The following MYH16 variants were observed in gnomAD, a reference collection of about 807,000 sequenced individuals.
MYH16 encodes the protein putative uncharacterized protein MYH16.
intron 18 of MYH16, among the ~76,000 whole-genome samples, chr7:99,267,648 A>G (rs997772079): frequency 6.6e-6 from 1 of 152,210 alleles, no homozygotes; most frequent in African/African-American, 2.4e-5. Context: ...CCCAGCTCTG[A>G]GCCAGCGGCT....
At chr7:99,241,179 C>T (rs1361742186) in intron 1 of MYH16, among the ~76,000 whole-genome samples, 1 of 152,212 alleles carries the variant, frequency 6.6e-6, no homozygotes, top group East Asian at 1.9e-4. Flanking sequence ...GCTGGCTTCC[C>T]TGGCTCCTAA....
At chr7:99,291,661 T>C (rs1792381680) in intron 31 of MYH16, among the ~76,000 whole-genome samples, 1 of 89,422 alleles carries the variant, frequency 1.1e-5, no homozygotes. Flanking sequence ...TCTACCAAAA[T>C]AAAAAATAAA....
chr7:99,268,659 T>C (rs954735453), intron 18 of MYH16, among the ~76,000 whole-genome samples: 2 of 152,246 alleles, frequency 1.3e-5, no homozygotes, highest in Non-Finnish European at 2.9e-5. Context: ...TGGTTCTGAC[T>C]GCAAATGGTG....
intron 5 of MYH16, among the ~76,000 whole-genome samples, chr7:99,250,569 C>G (rs1008129437): frequency 3.9e-5 from 6 of 152,106 alleles, no homozygotes; most frequent in African/African-American, 1.4e-4. Flanking sequence ...AGCAAGACAC[C>G]ATCTCTACAA....
At chr7:99,275,021 GT>G (rs1364007915) in intron 20 of MYH16, among the ~76,000 whole-genome samples, 1 of 151,820 alleles carries the variant, frequency 6.6e-6, no homozygotes, top group Non-Finnish European at 1.5e-5. Flanking sequence ...TTGACACAGG[GT>G]CTCACTCTGT....
intron 30 of MYH16, among the ~76,000 whole-genome samples, chr7:99,290,721 C>T (rs774854668): frequency 6.6e-6 from 1 of 150,606 alleles, no homozygotes; most frequent in African/African-American, 2.5e-5. Flanking sequence ...GAGAATCACT[C>T]GAACCCGGAA....
At chr7:99,269,433 A>G (rs1409708273) in intron 18 of MYH16, among the ~76,000 whole-genome samples, 1 of 151,926 alleles carries the variant, frequency 6.6e-6, no homozygotes, top group Non-Finnish European at 1.5e-5. Flanking sequence ...ACACCTCCAC[A>G]TCTGGCTAAT....
chr7:99,275,742 CTTG>C (rs578240634), intron 20 of MYH16, among the ~76,000 whole-genome samples: 94 of 152,272 alleles, frequency 6.2e-4, no homozygotes, highest in African/African-American at 2.1e-3. Context: ...ATTAGTTTTT[CTTG>C]TTGTTGAGAC....
chr7:99,280,764 C>T (rs1451053392), intron 22 of MYH16, 112 bp from the exon 5 acceptor site: 1 of 205,824 alleles, frequency 4.9e-6, no homozygotes, highest in Non-Finnish European at 1.0e-5. Flanking sequence ...TGGTCTAGGA[C>T]ATGCCCTGGG....
intron 2 of MYH16, among the ~76,000 whole-genome samples, chr7:99,243,708 A>C (rs756083235): frequency 6.6e-6 from 1 of 152,024 alleles, no homozygotes; most frequent in Non-Finnish European, 1.5e-5. Flanking sequence ...CTCAAATCAA[A>C]ACATCATTTT....
At chr7:99,291,354 A>G in exon 31 of MYH16, 1 of 456,724 alleles carries the variant, frequency 2.2e-6, no homozygotes, top group Non-Finnish European at 4.4e-6. Context: ...GGGAATATGA[A>G]GAGTCCCAGA....
At chr7:99,250,286 C>T (rs1452931918) in intron 5 of MYH16, among the ~76,000 whole-genome samples, 1 of 152,164 alleles carries the variant, frequency 6.6e-6, no homozygotes, top group Non-Finnish European at 1.5e-5. Context: ...GTTCTGCTGC[C>T]CCAGGCCATG....
At chr7:99,264,168 T>C (rs1451799569) in intron 14 of MYH16, 1 of 152,724 alleles carries the variant, frequency 6.5e-6, no homozygotes, top group Non-Finnish European at 1.5e-5. Context: ...AAAGAATGTG[T>C]GTGCTTTGCT....
intron 2 of MYH16, among the ~76,000 whole-genome samples, chr7:99,244,370 T>C (rs1340895378): frequency 2.6e-5 from 4 of 152,266 alleles, no homozygotes; most frequent in African/African-American, 9.6e-5. Context: ...TGAGTGTCTT[T>C]GAAATCTTAA....
chr7:99,257,921 G>A (rs563489951), intron 10 of MYH16, among the ~76,000 whole-genome samples: 3 of 152,226 alleles, frequency 2.0e-5, no homozygotes, highest in Admixed American at 6.5e-5. Flanking sequence ...TGCTGGAATC[G>A]CAGGCATAAG....
chr7:99,292,178 T>G, intron 31 of MYH16, 134 bp from the exon 13 acceptor site: 1 of 346,932 alleles, frequency 2.9e-6, no homozygotes, highest in South Asian at 2.2e-5. Context: ...CCCCGATGGT[T>G]TGGATTGTGG....
chr7:99,310,599 G>C (rs1286646013), downstream of MYH16: 1 of 152,178 alleles, frequency 6.6e-6, no homozygotes, highest in Non-Finnish European at 1.5e-5. Context: ...TACTAGGAAG[G>C]AAGCCTTTGC....
At chr7:99,302,125 G>C (rs1792603124) in intron 38 of MYH16, among the ~76,000 whole-genome samples, 1 of 151,854 alleles carries the variant, frequency 6.6e-6, no homozygotes, top group Admixed American at 6.6e-5. Flanking sequence ...CCAACATGAT[G>C]AAACCCCGTC....
At chr7:99,303,737 G>A (rs1166344212) in intron 39 of MYH16, among the ~76,000 whole-genome samples, 1 of 152,238 alleles carries the variant, frequency 6.6e-6, no homozygotes, top group Admixed American at 6.5e-5. Context: ...AGGAGTTTGA[G>A]GTTGCAGTGA....
Sources: allele counts gnomAD v4.1 joint callset (sites outside exome capture counted in the v4.1 genomes callset), GRCh38; gene constraint gnomAD v4.1.1; transcripts MANE v1.5; gene names NCBI Gene and HGNC (gene_info 2026-07-23, HGNC 2026-07-21).